Variants in DCC observed in about 807,000 individuals in gnomAD.
DCC encodes DCC netrin 1 receptor, also known as netrin receptor DCC.
DCC carries 58 observed loss-of-function variants against 172.5 expected under a neutral mutation model. That is an observed-to-expected ratio of 0.34 (90% CI 0.27 to 0.42). The LOEUF is 0.42. DCC is among the 10% of genes least tolerant of loss of function. DCC has a pLI of 1.00. For missense variants in DCC, 1,740 were observed against 1,791.0 expected (o/e 0.97, Z 0.51); for synonymous variants, 709 against 644.5 (o/e 1.10, Z -1.52).
At chr18:52,837,361 C>T (rs2038724615) in intron 2 of DCC, among the ~76,000 whole-genome samples, 1 of 152,204 alleles carries the variant, frequency 6.6e-6, no homozygotes, top group Admixed American at 6.5e-5. Flanking sequence ...TGGCAGGCTG[C>T]AACTTTTCCA....
At chr18:52,629,191 G>A (rs976309197) in intron 1 of DCC, among the ~76,000 whole-genome samples, 20 of 152,260 alleles carry the variant, frequency 1.3e-4, no homozygotes, top group Admixed American at 2.0e-4. Flanking sequence ...TTGCCCATCC[G>A]TATGTTAGGT....
At chr18:52,494,851 C>T (rs1379609493) in intron 1 of DCC, among the ~76,000 whole-genome samples, 1 of 151,976 alleles carries the variant, frequency 6.6e-6, no homozygotes, top group African/African-American at 2.4e-5. Context: ...TAATATTATC[C>T]TGTATCTTGT....
At chr18:53,401,263 T>C (rs1472728426) in intron 18 of DCC, among the ~76,000 whole-genome samples, 1 of 147,868 alleles carries the variant, frequency 6.8e-6, no homozygotes, top group African/African-American at 2.4e-5. Flanking sequence ...GGATCAACTA[T>C]ACTCCACCTA....
intron 5 of DCC, among the ~76,000 whole-genome samples, chr18:52,937,982 A>T (rs1282554882): frequency 1.3e-5 from 2 of 152,114 alleles, no homozygotes; most frequent in Admixed American, 6.6e-5. Context: ...GACCCGGTGA[A>T]ATAGTCCATG....
chr18:52,895,592 A>G (rs561294220), intron 2 of DCC, among the ~76,000 whole-genome samples: 1 of 152,320 alleles, frequency 6.6e-6, no homozygotes, highest in African/African-American at 2.4e-5. Flanking sequence ...AAAAAAGTTT[A>G]TTAACATAAT....
intron 1 of DCC, among the ~76,000 whole-genome samples, chr18:52,491,821 G>C (rs2030516189): frequency 6.6e-6 from 1 of 152,056 alleles, no homozygotes. Flanking sequence ...ATTAATTTAA[G>C]GATGGCCAGG....
chr18:53,286,319 T>C (rs552362526), intron 12 of DCC, among the ~76,000 whole-genome samples: 28 of 152,210 alleles, frequency 1.8e-4, no homozygotes, highest in African/African-American at 5.8e-4. Flanking sequence ...GGGCAGGTCT[T>C]TCCTGTGCTG....
chr18:53,351,317 A>T (rs542214714), intron 15 of DCC, among the ~76,000 whole-genome samples: 8 of 23,932 alleles, frequency 3.3e-4, no homozygotes, highest in African/African-American at 9.4e-4. Context: ...ATATATATAC[A>T]CTGTATATAT....
At chr18:52,389,502 TAA>T (rs1985945510) in intron 1 of DCC, among the ~76,000 whole-genome samples, 1 of 152,074 alleles carries the variant, frequency 6.6e-6, no homozygotes, top group Non-Finnish European at 1.5e-5. Context: ...CACAGGTCAA[TAA>T]AGATTTATCT....
chr18:53,122,640 G>A (rs990004234), intron 7 of DCC, among the ~76,000 whole-genome samples: 9 of 152,048 alleles, frequency 5.9e-5, no homozygotes, highest in African/African-American at 2.2e-4. Flanking sequence ...CCATTATACC[G>A]AAACTCTTAG....
intron 27 of DCC, among the ~76,000 whole-genome samples, chr18:53,508,477 G>C (rs1337151529): frequency 1.3e-5 from 2 of 152,218 alleles, no homozygotes; most frequent in Non-Finnish European, 1.5e-5. Context: ...ACAGGCATGA[G>C]CCACCGCGCC....
chr18:53,434,418 C>T (rs1024055426), intron 21 of DCC, among the ~76,000 whole-genome samples: 4 of 152,012 alleles, frequency 2.6e-5, no homozygotes, highest in African/African-American at 7.2e-5. Context: ...TGGTGAAACA[C>T]CATTAATTAA....
intron 1 of DCC, among the ~76,000 whole-genome samples, chr18:52,685,113 C>A (rs2035809397): frequency 6.6e-6 from 1 of 152,100 alleles, no homozygotes; most frequent in Non-Finnish European, 1.5e-5. Flanking sequence ...TATGTTCCAA[C>A]ACAATAGAAT....
rs10526030 is a variant in DCC, at chr18:53,066,353, GTATATATATATATATATA to G, written c.1261+215_1261+232del. ...TAGAAAATTGTGTGTGTACATGTGT[GTATATATATATATATATA>G]TATATATATATATATATATATATAT... On this transcript the variant is annotated intron_variant, in intron 7 of 28. Coordinates refer to ENST00000442544, the MANE Select transcript of DCC (RefSeq NM_005215.4). Among the ~76,000 whole-genome samples, 236 of 94,620 alleles carry G rather than the reference GTATATATATATATATATA, an allele frequency of 2.5e-3. 2 individuals carry two copies. The highest frequency in any genetic ancestry group is 6.2e-3 in the African/African-American group (168 of 27,224). The allele number at this position is 94,620 out of a possible 152,430, so 62.1% of individuals were successfully genotyped here.
chr18:53,034,211 G>C (rs2042062922), intron 5 of DCC, among the ~76,000 whole-genome samples: 1 of 151,932 alleles, frequency 6.6e-6, no homozygotes, highest in Non-Finnish European at 1.5e-5. Flanking sequence ...TATACACTCT[G>C]CTTAGATATC....
In DCC at chr18:53,529,003, TTCTCTCTCTC is replaced by T. The variant is rs144580817; in HGVS notation, c.4255-1534_4255-1525del. 1.9e-3 allele frequency among the ~76,000 whole-genome samples: 188 copies of T among 101,066 alleles called. 1 individual carries two copies. Among genetic ancestry groups the T allele is most frequent in the African/African-American group, 5.6e-3 (168 of 29,846 alleles). 66.3% of individuals were successfully genotyped at this position (101,066 alleles called of 152,430 possible). ...TGCCTAGTAATCCCCTCACTTCAAC[TTCTCTCTCTC>T]TCTCTCTCTCTCTCTCTCTCTCTCT... On this transcript the variant is annotated intron_variant, in intron 28 of 28. Transcript: ENST00000442544.
chr18:53,022,005 A>G (rs1316181153), intron 5 of DCC, among the ~76,000 whole-genome samples: 1 of 152,166 alleles, frequency 6.6e-6, no homozygotes, highest in East Asian at 1.9e-4. Context: ...ATGTTGGGAA[A>G]GCTATATTTT....
chr18:52,686,553 C>A (rs958960979), intron 1 of DCC, among the ~76,000 whole-genome samples: 16 of 152,036 alleles, frequency 1.1e-4, no homozygotes, highest in African/African-American at 3.9e-4. Context: ...AAACAGTGTC[C>A]AAAACCCAGA....
intron 1 of DCC, among the ~76,000 whole-genome samples, chr18:52,687,669 C>A (rs1474202408): frequency 1.3e-5 from 2 of 152,040 alleles, no homozygotes; most frequent in African/African-American, 2.4e-5. Flanking sequence ...ATATTGTGGG[C>A]TGTTAGCAAG....
Sources: allele counts gnomAD v4.1 joint callset (sites outside exome capture counted in the v4.1 genomes callset), GRCh38; gene constraint gnomAD v4.1.1; transcripts MANE v1.5; gene names NCBI Gene and HGNC (gene_info 2026-07-23, HGNC 2026-07-21).